The following ST3GAL3 variants were observed in gnomAD, a reference collection of about 807,000 sequenced individuals.
ST3GAL3 encodes ST3 beta-galactoside alpha-2,3-sialyltransferase 3, also known as CMP-N-acetylneuraminate-beta-1,4-galactoside alpha-2,3-sialyltransferase.
In ST3GAL3, 21 loss-of-function variants were observed where a neutral mutation model predicts 50.1. The ratio of observed to expected loss-of-function variants is 0.42; its 90% CI spans 0.30 to 0.60. The LOEUF (loss-of-function observed/expected upper bound fraction) is 0.60. Among genes scored for constraint, ST3GAL3 ranks in the 20% least tolerant of loss-of-function variants. ST3GAL3 has a pLI of 0.19. For missense variants in ST3GAL3, 353 were observed against 489.4 expected, an observed-to-expected ratio of 0.72 and a Z score of 2.63; for synonymous variants, 183 against 190.0, an observed-to-expected ratio of 0.96 and a Z score of 0.30.
Position 43,737,165 on chromosome 1 carries a change from T to C in ST3GAL3, c.118+785T>C, listed in dbSNP as rs1470579610. 3 of 152,746 alleles carry C rather than the reference T, an allele frequency of 2.0e-5. No homozygotes were observed. The highest frequency in any genetic ancestry group is 7.2e-5 in the African/African-American group (3 of 41,472). 9.5% of individuals were successfully genotyped at this position (152,746 alleles called of 1,614,324 possible). On this transcript the variant is annotated intron_variant, in intron 2 of 11. Transcript: ENST00000347631. The surrounding 1 kb of genome is among the most constrained non-coding windows in gnomAD (Gnocchi z 4.0). ...TTTTGGTTATTTTGTCTGACTGTTATCTGAGCTTGGTGTGGGAAATAGTAT... is the reference window on the plus strand; with the variant it reads ...TTTTGGTTATTTTGTCTGACTGTTACCTGAGCTTGGTGTGGGAAATAGTAT...
chr1:43,904,096 AC>A (rs2078739873), intron 9 of ST3GAL3, among the ~76,000 whole-genome samples: 1 of 152,110 alleles, frequency 6.6e-6, no homozygotes, highest in African/African-American at 2.4e-5. Context: ...AGGCTGTAGG[AC>A]TTGACCTAGG....
At chr1:43,916,362 T>G (rs1348625514) in intron 9 of ST3GAL3, among the ~76,000 whole-genome samples, 2 of 152,114 alleles carry the variant, frequency 1.3e-5, no homozygotes, top group Non-Finnish European at 2.9e-5. Flanking sequence ...TCTGTACCGT[T>G]CTAAGCAGAT....
chr1:43,927,620 G>A (rs1284860237), intron 11 of ST3GAL3, among the ~76,000 whole-genome samples: 1 of 152,140 alleles, frequency 6.6e-6, no homozygotes, highest in African/African-American at 2.4e-5. Context: ...CCAAGTCTCT[G>A]TTTTCCCTGT....
At chr1:43,708,009 C>T (rs965951045) in intron 1 of ST3GAL3, 3 of 152,330 alleles carry the variant, frequency 2.0e-5, no homozygotes, top group African/African-American at 7.2e-5. Flanking sequence ...AGAGCACGGA[C>T]ACCGTCATTC....
chr1:43,926,618 A>G (rs1264450315), intron 11 of ST3GAL3, among the ~76,000 whole-genome samples: 1 of 151,992 alleles, frequency 6.6e-6, no homozygotes, highest in African/African-American at 2.4e-5. Flanking sequence ...AAAAAAATAA[A>G]AGCTTCTGAG....
At chr1:43,716,264 T>C (rs1667337046) in intron 1 of ST3GAL3, among the ~76,000 whole-genome samples, 1 of 152,216 alleles carries the variant, frequency 6.6e-6, no homozygotes, top group Admixed American at 6.5e-5. Context: ...CTGTTTACAT[T>C]TGCCATCCCA....
chr1:43,809,281 A>C (rs1407413242), intron 3 of ST3GAL3, among the ~76,000 whole-genome samples: 2 of 152,140 alleles, frequency 1.3e-5, no homozygotes, highest in African/African-American at 4.8e-5. Context: ...ATGAAAAAAA[A>C]CTCCCAGAGG....
At chr1:43,927,469 C>G (rs1316696956) in intron 11 of ST3GAL3, among the ~76,000 whole-genome samples, 3 of 152,150 alleles carry the variant, frequency 2.0e-5, no homozygotes, top group African/African-American at 7.2e-5. Flanking sequence ...ACCTTTTAAC[C>G]CTCAATGACT....
At chr1:43,878,124 G>T (rs538083832) in intron 5 of ST3GAL3, among the ~76,000 whole-genome samples, 1 of 152,066 alleles carries the variant, frequency 6.6e-6, no homozygotes. Context: ...TGCCTCTGGC[G>T]ACTGCTAGCA....
At chr1:43,794,564 A>G (rs2058474071) in intron 3 of ST3GAL3, among the ~76,000 whole-genome samples, 1 of 152,246 alleles carries the variant, frequency 6.6e-6, no homozygotes, top group Admixed American at 6.5e-5. Flanking sequence ...CTCTAGGTAT[A>G]TTATCTGCAG....
intron 3 of ST3GAL3, among the ~76,000 whole-genome samples, chr1:43,812,635 A>T (rs905868688): frequency 2.0e-5 from 3 of 152,232 alleles, no homozygotes; most frequent in Non-Finnish European, 4.4e-5. Context: ...CTAATTTTTT[A>T]AAAGTTTTTT....
In ST3GAL3 at chr1:43,737,487, T is replaced by G. The variant is rs896965044; in HGVS notation, c.118+1107T>G. 1 of 152,254 alleles carries G rather than the reference T, an allele frequency of 6.6e-6. No individual in the cohort carries two copies. Among genetic ancestry groups the G allele is most frequent in the Non-Finnish European group, 1.5e-5 (1 of 68,042 alleles). 9.4% of individuals were successfully genotyped at this position (152,254 alleles called of 1,614,324 possible). ...CCAGTTTTTAAAATATAGTGTTATA[T>G]CCTTAATTTACTGTTTTATATAGAA... On this transcript the variant is annotated intron_variant, in intron 2 of 11. Transcript: ENST00000347631. This position sits in a 1 kb window ranked among gnomAD's most constrained non-coding sequence, Gnocchi z 4.0.
intron 1 of ST3GAL3, among the ~76,000 whole-genome samples, chr1:43,718,235 G>A (rs1413190235): frequency 1.6e-5 from 2 of 128,632 alleles, no homozygotes; most frequent in Non-Finnish European, 3.2e-5. Context: ...TGTCGCCCAG[G>A]CTGGAGTGCA....
At chr1:43,778,747 G>A (rs1698276363) in intron 2 of ST3GAL3, among the ~76,000 whole-genome samples, 1 of 138,878 alleles carries the variant, frequency 7.2e-6, no homozygotes, top group Non-Finnish European at 1.5e-5. Context: ...CCGGGTTCAC[G>A]CCATTCTCCT....
At chr1:43,784,134 C>A (rs2056964339) in intron 2 of ST3GAL3, among the ~76,000 whole-genome samples, 1 of 152,136 alleles carries the variant, frequency 6.6e-6, no homozygotes, top group African/African-American at 2.4e-5. Context: ...TACAGCCTGT[C>A]CTATAAGGTC....
At position 43,874,639 on chromosome 1, in the gene ST3GAL3, A is replaced by G. The variant is rs192934735; in HGVS notation, c.303-19744A>G. On this transcript the variant is annotated intron_variant, in intron 5 of 11. Transcript: ENST00000347631. ...ACTTCCTGGAGCAGTGTCCTTTAGTAAATGAAAAAGATAAGGTCTAGGGCA... is the reference window on the plus strand; with the variant it reads ...ACTTCCTGGAGCAGTGTCCTTTAGTGAATGAAAAAGATAAGGTCTAGGGCA... Among the ~76,000 whole-genome samples the G allele has an allele frequency of 3.5e-3, 537 of 152,352 alleles. 5 individuals are homozygous for G. The highest frequency in any genetic ancestry group is 0.012 in the African/African-American group (519 of 41,586).
At chr1:43,852,814 TAGTC>T (rs2067589579) in intron 5 of ST3GAL3, among the ~76,000 whole-genome samples, 1 of 152,212 alleles carries the variant, frequency 6.6e-6, no homozygotes, top group Non-Finnish European at 1.5e-5. Context: ...TTTCACTCAT[TAGTC>T]AAGAGAATGA....
intron 2 of ST3GAL3, among the ~76,000 whole-genome samples, chr1:43,742,496 C>T (rs1380015552): frequency 6.6e-6 from 1 of 152,150 alleles, no homozygotes; most frequent in African/African-American, 2.4e-5. Context: ...AATTGACACT[C>T]TTCATAGGAA....
At chr1:43,768,909 C>T (rs1694085883) in intron 2 of ST3GAL3, among the ~76,000 whole-genome samples, 1 of 152,100 alleles carries the variant, frequency 6.6e-6, no homozygotes. Flanking sequence ...TTGAGACTAG[C>T]ATAACCTTGA....
Sources: allele counts gnomAD v4.1 joint callset (sites outside exome capture counted in the v4.1 genomes callset), GRCh38; gene constraint gnomAD v4.1.1; non-coding constraint Gnocchi (gnomAD v3.1); transcripts MANE v1.5; gene names NCBI Gene and HGNC (gene_info 2026-07-23, HGNC 2026-07-21).